SBNO2: variants seen among roughly 807,000 people sequenced by gnomAD.
SBNO2 encodes strawberry notch homolog 2.
A neutral mutation model predicts 146.3 loss-of-function variants in SBNO2; 89 were observed. That is an observed-to-expected ratio of 0.61 (90% CI 0.51 to 0.73). SBNO2 has a LOEUF of 0.73. Among genes scored for constraint, SBNO2 ranks in the 30% least tolerant of loss-of-function variants. The pLI, the probability that SBNO2 is intolerant of heterozygous loss-of-function variation, is 0.00. For synonymous variants in SBNO2, 1,147 were observed against 892.6 expected (o/e 1.29, Z -5.08); for missense variants, 2,092 against 2,003.7 (o/e 1.04, Z -0.84).
Position 1,114,258 on chromosome 19 carries a change from C to T in SBNO2, c.2050G>A (p.Ala684Thr). Residue 684 changes from alanine to threonine, a missense_variant, in exon 18 of 32, where the codon GCA becomes ACA. By Grantham distance (58) the Ala-to-Thr change is moderately conservative (BLOSUM62 0). Coordinates refer to ENST00000361757, the MANE Select transcript of SBNO2 (RefSeq NM_014963.3). ...CGGTCGTCACTGGGGAGCCCGACTG[C>T]ATCAACGATGACAACGTCGTCATCC... ...LVDDDVVIVD[A>T]VGLPSDDRGP... The T allele has an allele frequency of 6.5e-7, 1 of 1,540,268 alleles. No individual in the cohort carries two copies. Among genetic ancestry groups the T allele is most frequent in the South Asian group, 1.2e-5 (1 of 82,978 alleles).
At chr19:1,139,512 G>A (rs576205119) in intron 4 of SBNO2, among the ~76,000 whole-genome samples, 1 of 152,186 alleles carries the variant, frequency 6.6e-6, no homozygotes, top group South Asian at 2.1e-4. Context: ...GACAGAAAAG[G>A]GGCGGGGCGT....
In SBNO2 at chr19:1,154,261, G is replaced by A; in HGVS notation, c.16C>T (p.Pro6Ser). Residue 6 changes from proline (P) to serine (S), a missense_variant, in exon 2 of 32, where the codon CCC becomes TCC. Pro to Ser is a moderately conservative substitution (Grantham distance 74). Coordinates refer to ENST00000361757, the MANE Select transcript of SBNO2 (RefSeq NM_014963.3). MLAVG[P>S]AMDRDYPQHE... is the part of the protein sequence containing the mutation. ...TGCGGGTAATCCCTGTCCATGGCGG[G>A]CCCCACTGCAAGCATCGGGCGGCAG... 1 of 1,267,380 alleles carries A rather than the reference G, an allele frequency of 7.9e-7. No individual in the cohort carries two copies. The allele number at this position is 1,267,380 out of a possible 1,614,324, so 78.5% of individuals were successfully genotyped here.
chr19:1,122,606 C>G (rs918449753), intron 9 of SBNO2, 48 bp from the exon 10 acceptor site: 1 of 1,426,746 alleles, frequency 7.0e-7, no homozygotes, highest in Non-Finnish European at 9.3e-7. Flanking sequence ...CCTCGCCCCC[C>G]GCTTCCGCCC....
At position 1,165,630 on chromosome 19, in the gene SBNO2, C is replaced by G. The variant is rs188305081; in HGVS notation, c.-127+8542G>C. The stretch of plus-strand genomic sequence containing the variant: ...GATCCCAGATCCCAGATCTCAGACC[C>G]CAGATCCCAGACTTCAGATCCCTAG... On this transcript the variant is annotated intron_variant, in intron 1 of 31. Coordinates refer to ENST00000361757, the MANE Select transcript of SBNO2 (RefSeq NM_014963.3). Among the ~76,000 whole-genome samples the G allele has an allele frequency of 2.5e-3, 381 of 152,042 alleles. 1 individual carries two copies. The highest frequency in any genetic ancestry group is 4.3e-3 in the Non-Finnish European group (294 of 67,966).
In SBNO2 at chr19:1,173,853, G is replaced by A. The variant is rs1347897175; in HGVS notation, c.-127+319C>T. The A allele has an allele frequency of 4.0e-5, 6 of 151,632 alleles. No individual in the cohort carries two copies. The highest frequency in any genetic ancestry group is 3.3e-4 in the Admixed American group (5 of 15,230). The allele number at this position is 151,632 out of a possible 1,614,324, so 9.4% of individuals were successfully genotyped here. On this transcript the variant is annotated intron_variant, in intron 1 of 31. Coordinates refer to ENST00000361757, the MANE Select transcript of SBNO2 (RefSeq NM_014963.3). This position sits in a 1 kb window ranked among gnomAD's most constrained non-coding sequence, Gnocchi z 4.7. ...GTACAGGGAGTCACCCGGAAGAGCG[G>A]GAAGGAAAGGTTGGGAGGGTTGTCG... is the stretch of plus-strand genomic sequence containing the variant.
intron 13 of SBNO2, 124 bp downstream of exon 13, chr19:1,119,392 C>A (rs1256773648): frequency 3.3e-6 from 3 of 903,716 alleles, no homozygotes; most frequent in African/African-American, 1.7e-5. Context: ...AAACGAGCGA[C>A]CCACATTCAG....
rs2079725019 is a variant in SBNO2 at position 1,109,441 on chromosome 19, G to C, written c.3217-18C>G. 6.4e-7 allele frequency: 1 copy of C among 1,563,130 alleles called. No homozygotes were observed. The highest frequency in any genetic ancestry group is 8.7e-7 in the Non-Finnish European group (1 of 1,155,118). ...CCGCGGACCTGCGGAGGGGGGCGTTGAGGCCGCGCCCCGGTCCGCCCCCCG... is the reference window on the plus strand; with the variant it reads ...CCGCGGACCTGCGGAGGGGGGCGTTCAGGCCGCGCCCCGGTCCGCCCCCCG... On this transcript the variant is annotated intron_variant, in intron 28 of 31. Transcript: ENST00000361757. The surrounding 1 kb of genome is among the most constrained non-coding windows in gnomAD (Gnocchi z 4.2).
intron 7 of SBNO2, 21 bp downstream of exon 7, chr19:1,123,513 G>A: frequency 6.2e-7 from 1 of 1,604,272 alleles, no homozygotes; most frequent in East Asian, 2.2e-5. Context: ...TCCCAGGGCT[G>A]GGTGCAGCCG....
intron 24 of SBNO2, 108 bp downstream of exon 24, chr19:1,111,398 T>C: frequency 1.3e-6 from 1 of 794,868 alleles, no homozygotes; most frequent in Non-Finnish European, 2.1e-6. Flanking sequence ...TGGGGAGGGG[T>C]CACTCAACAC....
rs2080166331 is a variant in SBNO2 at position 1,144,318 on chromosome 19, A to T, written c.279+2991T>A. On this transcript the variant is annotated intron_variant, in intron 4 of 31. Transcript: ENST00000361757. The surrounding 1 kb of genome is among the most constrained non-coding windows in gnomAD (Gnocchi z 4.1). ...ACCGGGGTCAGACTTCCTCCAAATG[A>T]AGTTCTGCTGCTTTAACAGGGAGAT... 6.6e-6 allele frequency among the ~76,000 whole-genome samples: 1 copy of T among 152,126 alleles called. No homozygotes were observed. The highest frequency in any genetic ancestry group is 1.5e-5 in the Non-Finnish European group (1 of 68,024).
At position 1,108,201 on chromosome 19, in the gene SBNO2, T is replaced by G; in HGVS notation, c.*19A>C. The G allele has an allele frequency of 6.6e-7, 1 of 1,521,848 alleles. No individual in the cohort carries two copies. Among genetic ancestry groups the G allele is most frequent in the South Asian group, 1.2e-5 (1 of 82,986 alleles). The allele number at this position is 1,521,848 out of a possible 1,614,324, so 94.3% of individuals were successfully genotyped here. A position where few individuals can be genotyped will look rare whatever the true frequency, so the allele number is the denominator to read the frequency against. ...GAAACGGTCCCTGTGTCTTGGGGCA[T>G]GTTTCGCCTAAAGGCGTGTCAGAGA... On this transcript the variant is annotated 3_prime_UTR_variant, in exon 32 of 32. Coordinates refer to ENST00000361757, the MANE Select transcript of SBNO2 (RefSeq NM_014963.3).
intron 11 of SBNO2, among the ~76,000 whole-genome samples, chr19:1,120,519 A>C (rs1041446335): frequency 6.6e-6 from 1 of 152,012 alleles, no homozygotes; most frequent in African/African-American, 2.4e-5. Context: ...GGTGTGTGCC[A>C]CCACCACAAC....
At chr19:1,139,096 G>A (rs1388420193) in intron 4 of SBNO2, among the ~76,000 whole-genome samples, 2 of 152,164 alleles carry the variant, frequency 1.3e-5, no homozygotes, top group Non-Finnish European at 2.9e-5. Flanking sequence ...AGTGGGTCCT[G>A]CATGCGTCCA....
In SBNO2 at chr19:1,107,916, T is replaced by G; in HGVS notation, c.*304A>C. ...TCTTGGGACCACCCGGTTTCACGGA[T>G]TTCAAGGGTTTGGGCCCACTGAGCC... On this transcript the variant is annotated 3_prime_UTR_variant, in exon 32 of 32. Coordinates refer to ENST00000361757, the MANE Select transcript of SBNO2 (RefSeq NM_014963.3). 4.9e-6 allele frequency: 1 copy of G among 204,782 alleles called. No homozygotes were observed. Among genetic ancestry groups the G allele is most frequent in the Non-Finnish European group, 9.8e-6 (1 of 101,872 alleles). The allele number at this position is 204,782 out of a possible 1,614,324, so 12.7% of individuals were successfully genotyped here. A position where few individuals can be genotyped will look rare whatever the true frequency, so the allele number is the denominator to read the frequency against.
In SBNO2 at chr19:1,131,438, AGGACCT is replaced by A. The variant is rs1478271995; in HGVS notation, c.280-3679_280-3674del. On this transcript the variant is annotated intron_variant, in intron 4 of 31. Coordinates refer to ENST00000361757, the MANE Select transcript of SBNO2 (RefSeq NM_014963.3). ...GGGGAGCTGGGAGGACCTGGCTGGG[AGGACCT>A]GGCTCTGCCCGCTTCAAAAGCAGCA... Among the ~76,000 whole-genome samples the A allele has an allele frequency of 7.5e-5, 9 of 119,974 alleles. No individual in the cohort carries two copies. The Admixed American group carries it at 7.8e-4, about 10-fold the overall frequency. The allele number at this position is 119,974 out of a possible 152,430, so 78.7% of individuals were successfully genotyped here. A position where few individuals can be genotyped will look rare whatever the true frequency, so the allele number is the denominator to read the frequency against.
chr19:1,163,805 C>T (rs1414980821), intron 1 of SBNO2, among the ~76,000 whole-genome samples: 5 of 152,194 alleles, frequency 3.3e-5, no homozygotes, highest in African/African-American at 4.8e-5. Flanking sequence ...GAGGTGGGCC[C>T]GGCAGGAGGG....
intron 1 of SBNO2, among the ~76,000 whole-genome samples, chr19:1,169,457 A>C (rs2080457381): frequency 6.6e-6 from 1 of 152,184 alleles, no homozygotes; most frequent in Non-Finnish European, 1.5e-5. Context: ...TGTGCCACCC[A>C]TGTGGCCCAA....
intron 3 of SBNO2, among the ~76,000 whole-genome samples, chr19:1,148,111 G>A (rs1447735665): frequency 1.3e-5 from 2 of 151,736 alleles, no homozygotes; most frequent in African/African-American, 2.4e-5. Context: ...GGCTCCCCAG[G>A]CTCTCCCTCC....
At chr19:1,172,945 C>A (rs1238737671) in intron 1 of SBNO2, among the ~76,000 whole-genome samples, 1 of 151,592 alleles carries the variant, frequency 6.6e-6, no homozygotes, top group Non-Finnish European at 1.5e-5. Flanking sequence ...AACAGGCATT[C>A]CGGGAAGAAG....
Sources: allele counts gnomAD v4.1 joint callset (sites outside exome capture counted in the v4.1 genomes callset), GRCh38; gene constraint gnomAD v4.1.1; non-coding constraint Gnocchi (gnomAD v3.1); transcripts MANE v1.5; gene names NCBI Gene and HGNC (gene_info 2026-07-23, HGNC 2026-07-21).